HDAC4: variants seen among roughly 807,000 people sequenced by gnomAD.
HDAC4 encodes histone deacetylase 4.
Under a neutral mutation model 135.1 loss-of-function variants are expected in HDAC4, and 16 were observed. That is an observed-to-expected ratio of 0.12 (90% CI 0.08 to 0.18). HDAC4 has a LOEUF of 0.18. Among genes scored for constraint, HDAC4 ranks in the 10% least tolerant of loss-of-function variants. The probability of loss-of-function intolerance (pLI) is 1.00; values close to 1 mark genes in which losing one functional copy is unlikely to be tolerated. For missense variants in HDAC4, 1,143 were observed against 1,511.8 expected, an observed-to-expected ratio of 0.76 and a Z score of 4.05; for synonymous variants, 685 against 653.4, an observed-to-expected ratio of 1.05 and a Z score of -0.74.
intron 12 of HDAC4, among the ~76,000 whole-genome samples, chr2:239,116,074 C>T (rs2039108530): frequency 6.6e-6 from 1 of 152,180 alleles, no homozygotes; most frequent in African/African-American, 2.4e-5. Context: ...CTCGGTCTCC[C>T]TCCCCGGCCT....
At chr2:239,187,778 G>A (rs2044653090) in intron 4 of HDAC4, among the ~76,000 whole-genome samples, 1 of 152,182 alleles carries the variant, frequency 6.6e-6, no homozygotes, top group Non-Finnish European at 1.5e-5. Context: ...CTAAACTCGA[G>A]TGTGCTTGTT....
chr2:239,216,548 T>C (rs1347676720), intron 3 of HDAC4, among the ~76,000 whole-genome samples: 1 of 152,208 alleles, frequency 6.6e-6, no homozygotes, highest in Non-Finnish European at 1.5e-5. Context: ...GAAGGCTTTG[T>C]TTAACTGAGT....
At chr2:239,072,287 A>G (rs758023135) in intron 22 of HDAC4, among the ~76,000 whole-genome samples, 3 of 152,190 alleles carry the variant, frequency 2.0e-5, no homozygotes, top group Non-Finnish European at 4.4e-5. Flanking sequence ...AAACCCATGC[A>G]GTTTTTTTCA....
rs1193087713 is a variant in HDAC4 at position 239,068,876 on chromosome 2, T to A, written c.2751-269A>T. The stretch of plus-strand genomic sequence containing the variant: ...CTTGCTTGGTGAGAGGGAGTCACGG[T>A]GCAAGCCAGCAAGCCCCACTGCACT... On this transcript the variant is annotated intron_variant, in intron 22 of 26. Coordinates refer to ENST00000543185, the MANE Select transcript of HDAC4 (RefSeq NM_001378414.1). The surrounding 1 kb of genome is among the most constrained non-coding windows in gnomAD (Gnocchi z 4.4). 5 of 441,906 alleles carry A rather than the reference T, an allele frequency of 1.1e-5. No homozygotes were observed. Among genetic ancestry groups the A allele is most frequent in the African/African-American group, 2.1e-5 (1 of 48,576 alleles). 27.4% of individuals were successfully genotyped at this position (441,906 alleles called of 1,614,324 possible). A position where few individuals can be genotyped will look rare whatever the true frequency, so the allele number is the denominator to read the frequency against.
chr2:239,083,570 C>T (rs1351629014), intron 20 of HDAC4, among the ~76,000 whole-genome samples: 1 of 152,204 alleles, frequency 6.6e-6, no homozygotes, highest in Non-Finnish European at 1.5e-5. Flanking sequence ...ATATATCTGG[C>T]TTTAAAAAGA....
intron 24 of HDAC4, among the ~76,000 whole-genome samples, chr2:239,061,616 T>C (rs1015620884): frequency 1.3e-5 from 2 of 152,178 alleles, no homozygotes; most frequent in Admixed American, 6.5e-5. Flanking sequence ...GGTGGCCATG[T>C]GGGGTGTCAG....
intron 1 of HDAC4, among the ~76,000 whole-genome samples, chr2:239,399,472 CT>C (rs1696791732): frequency 6.6e-6 from 1 of 152,314 alleles, no homozygotes; most frequent in Non-Finnish European, 1.5e-5. Flanking sequence ...CACCAGCCTT[CT>C]TTGGACAGTC....
chr2:239,176,633 C>A lies in HDAC4; in HGVS notation c.340-70G>T, dbSNP rs566656325. 94 of 1,471,876 alleles carry A rather than the reference C, an allele frequency of 6.4e-5. No homozygotes were observed. The East Asian group carries it at 2.1e-3, about 34-fold the overall frequency. 91.2% of individuals were successfully genotyped at this position (1,471,876 alleles called of 1,614,324 possible). On this transcript the variant is annotated intron_variant, in intron 4 of 26. Transcript: ENST00000543185. ...CACACACACAGAGACCCAATGAAGACCCAAGAAACCAGCCCAGGCCCTACA... is the reference window on the plus strand; with the variant it reads ...CACACACACAGAGACCCAATGAAGAACCAAGAAACCAGCCCAGGCCCTACA...
At chr2:239,219,233 T>C (rs954765197) in intron 3 of HDAC4, among the ~76,000 whole-genome samples, 9 of 151,550 alleles carry the variant, frequency 5.9e-5, no homozygotes, top group Non-Finnish European at 1.3e-4. Flanking sequence ...AGTCCAACAA[T>C]GATAGACTGG....
intron 4 of HDAC4, among the ~76,000 whole-genome samples, chr2:239,184,632 G>T (rs1320162885): frequency 7.0e-6 from 1 of 142,402 alleles, no homozygotes; most frequent in Non-Finnish European, 1.5e-5. Context: ...CCTATGATGG[G>T]GGGTCCCTCA....
chr2:239,346,608 A>G (rs1485912614), intron 2 of HDAC4, among the ~76,000 whole-genome samples: 2 of 148,696 alleles, frequency 1.3e-5, no homozygotes, highest in Non-Finnish European at 1.5e-5. Context: ...TCTAAAACAC[A>G]CATACACACC....
chr2:239,165,722 G>A (rs755863955), intron 5 of HDAC4, among the ~76,000 whole-genome samples: 14 of 152,130 alleles, frequency 9.2e-5, no homozygotes, highest in Non-Finnish European at 1.5e-4. Context: ...CGTGGCTCTC[G>A]GCTGCTCCGT....
At chr2:239,168,746 G>T (rs973899034) in intron 5 of HDAC4, among the ~76,000 whole-genome samples, 1 of 152,176 alleles carries the variant, frequency 6.6e-6, no homozygotes, top group East Asian at 1.9e-4. Context: ...CCCGAGTGGC[G>T]TCCACCACAG....
chr2:239,297,452 A>T (rs564190848), intron 2 of HDAC4, among the ~76,000 whole-genome samples: 1 of 152,376 alleles, frequency 6.6e-6, no homozygotes, highest in South Asian at 2.1e-4. Context: ...CTGGTGTGAC[A>T]GCATAGGGTT....
Position 239,134,267 on chromosome 2 carries a change from C to G in HDAC4, c.1272G>C (p.Pro424=). Residue 424 remains proline (P), a synonymous_variant, in exon 11 of 27, where the codon CCG becomes CCC. Transcript: ENST00000543185. ...CACCTGTGACGAGGGGTGCTTGTGC[C>G]GGCGGCTGCTCCAGTAAGACCATGT... is the stretch of plus-strand genomic sequence containing the variant. ...LQHMVLLEQP[P]AQAPLVTDWY... The G allele has an allele frequency of 6.2e-7, 1 of 1,612,090 alleles. No homozygotes were observed. Among genetic ancestry groups the G allele is most frequent in the Non-Finnish European group, 8.5e-7 (1 of 1,179,992 alleles).
At chr2:239,259,381 C>T (rs182484774) in intron 2 of HDAC4, among the ~76,000 whole-genome samples, 231 of 152,250 alleles carry the variant, frequency 1.5e-3, no homozygotes, top group African/African-American at 5.4e-3. Context: ...AAGGTGGAGG[C>T]TGCAGTGAGC....
At chr2:239,109,504 T>G (rs1383445823) in intron 14 of HDAC4, among the ~76,000 whole-genome samples, 2 of 152,144 alleles carry the variant, frequency 1.3e-5, no homozygotes, top group Non-Finnish European at 1.5e-5. Flanking sequence ...GTTCCCATAC[T>G]TCCTGGCTCA....
At chr2:239,252,977 G>A (rs1375276110) in intron 2 of HDAC4, among the ~76,000 whole-genome samples, 1 of 152,226 alleles carries the variant, frequency 6.6e-6, no homozygotes, top group Non-Finnish European at 1.5e-5. Context: ...GGCCACGGCG[G>A]CCCGCACTGC....
At chr2:239,109,325 CCAGA>C (rs2038456710) in intron 14 of HDAC4, among the ~76,000 whole-genome samples, 1 of 152,156 alleles carries the variant, frequency 6.6e-6, no homozygotes, top group African/African-American at 2.4e-5. Context: ...GGCAAGCTGC[CCAGA>C]CAGACCTGCT....
Sources: allele counts gnomAD v4.1 joint callset (sites outside exome capture counted in the v4.1 genomes callset), GRCh38; gene constraint gnomAD v4.1.1; non-coding constraint Gnocchi (gnomAD v3.1); transcripts MANE v1.5; gene names NCBI Gene and HGNC (gene_info 2026-07-23, HGNC 2026-07-21).